TSTD2: variants seen among roughly 807,000 people sequenced by gnomAD.
TSTD2 encodes thiosulfate sulfurtransferase like domain containing 2, also known as thiosulfate sulfurtransferase/rhodanese-like domain-containing protein 2.
TSTD2 carries 37 observed loss-of-function variants against 47.9 expected under a neutral mutation model. The observed-to-expected ratio is 0.77, with a 90% CI of 0.59 to 1.02. TSTD2 has a LOEUF of 1.02. Ranked by LOEUF, TSTD2 falls within the 50% of genes least tolerant of loss-of-function variation. The probability of loss-of-function intolerance (pLI) is 0.00; values close to 1 mark genes in which losing one functional copy is unlikely to be tolerated. For synonymous variants in TSTD2, 201 were observed against 215.9 expected (o/e 0.93, Z 0.61); for missense variants, 586 against 616.0 (o/e 0.95, Z 0.52).
intron 9 of TSTD2, chr9:97,603,240 C>A: frequency 6.0e-6 from 1 of 165,644 alleles, no homozygotes. Flanking sequence ...GTCTCTCCTG[C>A]TGTTGCTAGG....
At chr9:97,609,846 C>G (rs1376704155) in intron 6 of TSTD2, among the ~76,000 whole-genome samples, 1 of 152,110 alleles carries the variant, frequency 6.6e-6, no homozygotes, top group Non-Finnish European at 1.5e-5. Context: ...ATTATTTTCT[C>G]TACTTTTTTA....
intron 8 of TSTD2, among the ~76,000 whole-genome samples, chr9:97,605,141 GC>G (rs1389450500): frequency 6.6e-6 from 1 of 152,084 alleles, no homozygotes. Context: ...TATTTTTGCT[GC>G]CCCCTAAATA....
In TSTD2 at chr9:97,625,918, C is replaced by A. The variant is rs1336360484; in HGVS notation, c.245G>T (p.Cys82Phe). 6.2e-7 allele frequency: 1 copy of A among 1,614,058 alleles called. No homozygotes were observed. The highest frequency in any genetic ancestry group is 8.5e-7 in the Non-Finnish European group (1 of 1,179,966). Residue 82 changes from cysteine to phenylalanine, a missense_variant, in exon 3 of 10, where the codon TGT becomes TTT. By Grantham distance (205) the Cys-to-Phe change is radical (BLOSUM62 -2). Transcript: ENST00000341170. ...GGTTTGGTCTGTGAATAGCTGCCGA[C>A]AGCATTTCCACAATTTTTCTTTACA... is the stretch of plus-strand genomic sequence containing the variant. Reference protein sequence around the residue: ...FECKEKLWKCCRQLFTDQTSI... With the variant: ...FECKEKLWKCFRQLFTDQTSI...
At chr9:97,632,029 A>C (rs1564012348) in intron 1 of TSTD2, among the ~76,000 whole-genome samples, 1 of 152,092 alleles carries the variant, frequency 6.6e-6, no homozygotes, top group African/African-American at 2.4e-5. Flanking sequence ...CCAAGAGAGC[A>C]GGGGTTTTCC....
chr9:97,605,037 G>A, intron 8 of TSTD2, 172 bp from the exon 9 acceptor site: 2 of 863,590 alleles, frequency 2.3e-6, no homozygotes, highest in Non-Finnish European at 1.4e-6. Flanking sequence ...CTGACCAAGG[G>A]GTCAAGGCAC....
At chr9:97,610,175 C>T in intron 6 of TSTD2, 171 bp downstream of exon 6, 1 of 492,626 alleles carries the variant, frequency 2.0e-6, no homozygotes, top group Non-Finnish European at 3.7e-6. Flanking sequence ...TTCAACCCCA[C>T]AGCACCACAG....
chr9:97,628,209 A>G (rs1030682402), intron 1 of TSTD2, among the ~76,000 whole-genome samples: 13 of 152,238 alleles, frequency 8.5e-5, no homozygotes, highest in Admixed American at 7.8e-4. Flanking sequence ...CCCCACTGTA[A>G]TATGCCAGAA....
At chr9:97,609,707 G>A (rs1208034062) in intron 6 of TSTD2, among the ~76,000 whole-genome samples, 1 of 152,176 alleles carries the variant, frequency 6.6e-6, no homozygotes, top group Non-Finnish European at 1.5e-5. Flanking sequence ...ATTTACAAAT[G>A]AAATGGCCTG....
rs532913367 is a variant in TSTD2 at position 97,632,398 on chromosome 9, G to T, written c.-51+845C>A. ...GTAGGAGACTTTTTTTTTTTGACAC[G>T]GTCTCACTTTGTTGCCCAGGCTGGA... On this transcript the variant is annotated intron_variant, in intron 1 of 9. Transcript: ENST00000341170. 1.5e-3 allele frequency among the ~76,000 whole-genome samples: 221 copies of T among 151,666 alleles called. 2 individuals carry two copies. The highest frequency in any genetic ancestry group is 5.1e-3 in the African/African-American group (210 of 41,342).
chr9:97,628,614 C>T (rs1030651451), intron 1 of TSTD2, among the ~76,000 whole-genome samples: 18 of 152,064 alleles, frequency 1.2e-4, no homozygotes, highest in African/African-American at 4.4e-4. Context: ...TTAGCTGTGA[C>T]AGATTATATT....
chr9:97,600,090 G>A lies in TSTD2; in HGVS notation c.*2379C>T. The A allele has an allele frequency of 9.8e-7, 1 of 1,023,150 alleles. No homozygotes were observed. The highest frequency in any genetic ancestry group is 1.2e-6 in the Non-Finnish European group (1 of 850,338). 63.4% of individuals were successfully genotyped at this position (1,023,150 alleles called of 1,614,324 possible). A position where few individuals can be genotyped will look rare whatever the true frequency, so the allele number is the denominator to read the frequency against. The stretch of plus-strand genomic sequence containing the variant: ...GCACACTCTTCCACATGCTTTTGAA[G>A]TATTATAAAACACTTTATTACAAAT... On this transcript the variant is annotated 3_prime_UTR_variant, in exon 10 of 10. Transcript: ENST00000341170.
intron 3 of TSTD2, among the ~76,000 whole-genome samples, chr9:97,623,841 A>G (rs1222642084): frequency 2.0e-5 from 3 of 151,936 alleles, no homozygotes; most frequent in African/African-American, 7.2e-5. Context: ...TGGGTGACAG[A>G]GTGAGACTCT....
In TSTD2 at chr9:97,627,588, G is replaced by C. The variant is rs752985158; in HGVS notation, c.-26C>G. ...CTGGTTTGGTTGCAACAGTGAAGCA[G>C]ATATTCCTTTCAGTTAAATACCTCC... On this transcript the variant is annotated 5_prime_UTR_variant, in exon 2 of 10. In the 5' UTR this introduces an upstream ATG that the reference lacks. Transcript: ENST00000341170. 1.9e-6 allele frequency: 3 copies of C among 1,554,518 alleles called. No individual in the cohort carries two copies. In the Admixed American group the frequency reaches 5.7e-5, roughly 30 times the overall value.
chr9:97,625,303 A>G (rs527453329), intron 3 of TSTD2, among the ~76,000 whole-genome samples: 3 of 152,202 alleles, frequency 2.0e-5, no homozygotes, highest in African/African-American at 4.8e-5. Flanking sequence ...TTACATGACT[A>G]TACCAGTTTA....
intron 2 of TSTD2, 176 bp downstream of exon 2, chr9:97,627,222 T>C: frequency 7.9e-7 from 1 of 1,265,294 alleles, no homozygotes; most frequent in Non-Finnish European, 1.0e-6. Context: ...ACCATGGCTA[T>C]TCCAGGACCA....
intron 3 of TSTD2, among the ~76,000 whole-genome samples, chr9:97,618,554 T>C (rs1826580885): frequency 6.6e-6 from 1 of 152,234 alleles, no homozygotes; most frequent in African/African-American, 2.4e-5. Flanking sequence ...AAATTATGTT[T>C]GGAAACCCTG....
At chr9:97,609,248 A>G (rs1004658706) in intron 6 of TSTD2, among the ~76,000 whole-genome samples, 2 of 152,230 alleles carry the variant, frequency 1.3e-5, no homozygotes, top group African/African-American at 4.8e-5. Context: ...TTTTAAAGAC[A>G]TGGCTACTAG....
intron 4 of TSTD2, among the ~76,000 whole-genome samples, 162 bp downstream of exon 4, chr9:97,617,595 T>C (rs191836331): frequency 2.0e-5 from 3 of 152,346 alleles, no homozygotes; most frequent in African/African-American, 2.4e-5. Flanking sequence ...TAAAATACCA[T>C]GTTAATGGCT....
In TSTD2 at chr9:97,614,813, G is replaced by A. The variant is rs145440192; in HGVS notation, c.603+2944C>T. On this transcript the variant is annotated intron_variant, in intron 4 of 9. Transcript: ENST00000341170. ...TCCAGAGTTCCATGACAAAGATTCC[G>A]GGTCACATCCAGACTCCTTGAGAAA... Among the ~76,000 whole-genome samples, 58 of 152,274 alleles carry A rather than the reference G, an allele frequency of 3.8e-4. 1 individual carries two copies. In the East Asian group the frequency reaches 0.011, roughly 28 times the overall value.
Sources: allele counts gnomAD v4.1 joint callset (sites outside exome capture counted in the v4.1 genomes callset), GRCh38; gene constraint gnomAD v4.1.1; transcripts MANE v1.5; gene names NCBI Gene and HGNC (gene_info 2026-07-23, HGNC 2026-07-21).